Variants in PAN3 observed in about 807,000 individuals in gnomAD.
PAN3 encodes poly(A) specific ribonuclease subunit PAN3, also known as PAN2-PAN3 deadenylation complex subunit PAN3.
PAN3 carries 19 observed loss-of-function variants against 96.2 expected under a neutral mutation model. The ratio of observed to expected loss-of-function variants is 0.20; its 90% CI spans 0.14 to 0.29. The LOEUF (loss-of-function observed/expected upper bound fraction) is 0.29. PAN3 is among the 10% of genes least tolerant of loss of function. The probability of loss-of-function intolerance (pLI) is 1.00; values close to 1 mark genes in which losing one functional copy is unlikely to be tolerated. For synonymous variants in PAN3, 433 were observed against 406.6 expected, an observed-to-expected ratio of 1.06 and a Z score of -0.78; for missense variants, 882 against 1,108.1, an observed-to-expected ratio of 0.80 and a Z score of 2.90.
intron 9 of PAN3, among the ~76,000 whole-genome samples, chr13:28,263,758 A>G (rs1424844303): frequency 6.6e-6 from 1 of 152,248 alleles, no homozygotes; most frequent in Non-Finnish European, 1.5e-5. Context: ...CTCTTTCTGT[A>G]AAATATAAAT....
At chr13:28,167,978 T>G (rs574586585) in intron 1 of PAN3, among the ~76,000 whole-genome samples, 16 of 152,354 alleles carry the variant, frequency 1.1e-4, no homozygotes, top group African/African-American at 3.6e-4. Flanking sequence ...CCTTGAAAGT[T>G]TGCCTCACCT....
At chr13:28,272,830 A>G (rs1886743337) in intron 14 of PAN3, among the ~76,000 whole-genome samples, 2 of 152,116 alleles carry the variant, frequency 1.3e-5, no homozygotes, top group African/African-American at 4.8e-5. Context: ...CGGCCTCCCA[A>G]AGTGCTGGGA....
intron 6 of PAN3, among the ~76,000 whole-genome samples, chr13:28,245,816 C>G (rs1884130731): frequency 6.6e-6 from 1 of 152,116 alleles, no homozygotes; most frequent in Admixed American, 6.5e-5. Flanking sequence ...CTAATGTTTT[C>G]AAGGTTCATC....
intron 8 of PAN3, among the ~76,000 whole-genome samples, chr13:28,261,097 C>T (rs1421589558): frequency 6.6e-6 from 1 of 151,910 alleles, no homozygotes; most frequent in Non-Finnish European, 1.5e-5. Context: ...TAATTATTAC[C>T]AGTTTACTAG....
chr13:28,251,842 C>T (rs141045966), intron 6 of PAN3, among the ~76,000 whole-genome samples: 1 of 151,804 alleles, frequency 6.6e-6, no homozygotes, highest in East Asian at 1.9e-4. Flanking sequence ...CTCCTGGCTT[C>T]AGATTCTGCT....
intron 9 of PAN3, among the ~76,000 whole-genome samples, chr13:28,261,850 A>AC (rs1885762436): frequency 8.7e-6 from 1 of 114,404 alleles, no homozygotes; most frequent in South Asian, 2.6e-4. Context: ...AAAAAAAAAA[A>AC]AGGACAGTCC....
chr13:28,175,780 T>C (rs539377269), intron 2 of PAN3, among the ~76,000 whole-genome samples: 225 of 152,350 alleles, frequency 1.5e-3, no homozygotes, highest in Non-Finnish European at 2.5e-3. Flanking sequence ...TTTCAGGTAC[T>C]TTTTAATATA....
intron 6 of PAN3, among the ~76,000 whole-genome samples, chr13:28,250,204 T>C (rs533420089): frequency 1.3e-5 from 2 of 151,562 alleles, no homozygotes; most frequent in East Asian, 1.9e-4. Context: ...CAGAACTCTT[T>C]TTTTTTTTTT....
chr13:28,231,438 G>C (rs1882546036), intron 6 of PAN3, among the ~76,000 whole-genome samples: 1 of 152,156 alleles, frequency 6.6e-6, no homozygotes, highest in Non-Finnish European at 1.5e-5. Flanking sequence ...TTATGTGCCT[G>C]AGTTTGGTCA....
chr13:28,140,305 A>G (rs145095733), intron 1 of PAN3, among the ~76,000 whole-genome samples: 2 of 152,298 alleles, frequency 1.3e-5, no homozygotes, highest in East Asian at 3.9e-4. Context: ...TGCCTTTACG[A>G]ATAGAGCCGG....
intron 4 of PAN3, among the ~76,000 whole-genome samples, chr13:28,189,531 A>G (rs1876938207): frequency 7.2e-6 from 1 of 139,736 alleles, no homozygotes; most frequent in African/African-American, 2.7e-5. Flanking sequence ...CAAAAAAACA[A>G]AACAAAACAA....
chr13:28,284,322 T>C (rs1250856412), intron 17 of PAN3, among the ~76,000 whole-genome samples: 1 of 152,198 alleles, frequency 6.6e-6, no homozygotes, highest in African/African-American at 2.4e-5. Flanking sequence ...TTATTTTCAA[T>C]TGGATTGCTT....
At chr13:28,239,199 A>ACGCG (rs547893609) in intron 6 of PAN3, among the ~76,000 whole-genome samples, 4,552 of 113,028 alleles carry the variant, frequency 0.04, 258 homozygotes, top group African/African-American at 0.16. Context: ...GCATGCACAC[A>ACGCG]CGCACACACA....
chr13:28,241,885 G>A (rs1014637296), intron 6 of PAN3, among the ~76,000 whole-genome samples: 3 of 151,250 alleles, frequency 2.0e-5, no homozygotes, highest in African/African-American at 7.4e-5. Flanking sequence ...TGCTTCACAT[G>A]TTCTCAAGTC....
intron 5 of PAN3, among the ~76,000 whole-genome samples, chr13:28,202,578 T>C (rs1878863938): frequency 1.3e-5 from 2 of 152,202 alleles, no homozygotes; most frequent in South Asian, 4.1e-4. Flanking sequence ...TCCTTCTTTT[T>C]CCTTTAAGAG....
chr13:28,197,202 G>A lies in PAN3; in HGVS notation c.708G>A (p.Leu236=), dbSNP rs762287056. ...TTTCCTAGCCAAGGAAGTATCGCCTGGGGATGCTGGAGGAGAGGCTAGTTC... is the reference window on the plus strand; with the variant it reads ...TTTCCTAGCCAAGGAAGTATCGCCTAGGGATGCTGGAGGAGAGGCTAGTTC... ...SQRRKPRKYR[L]GMLEERLVPM... The change falls in exon 5 of 19, where the codon CTG becomes CTA. Residue 236 remains leucine (L), a synonymous_variant. Coordinates refer to ENST00000380958, the MANE Select transcript of PAN3 (RefSeq NM_175854.8). 1.2e-6 allele frequency: 2 copies of A among 1,612,994 alleles called. No individual in the cohort carries two copies. The highest frequency in any genetic ancestry group is 1.7e-6 in the Non-Finnish European group (2 of 1,179,486).
intron 4 of PAN3, among the ~76,000 whole-genome samples, chr13:28,196,613 A>G (rs1878088585): frequency 6.6e-6 from 1 of 151,668 alleles, no homozygotes; most frequent in Non-Finnish European, 1.5e-5. Flanking sequence ...ATGCCTATTT[A>G]AGATAGAGTG....
intron 4 of PAN3, among the ~76,000 whole-genome samples, chr13:28,190,375 T>C (rs1192605777): frequency 2.0e-5 from 3 of 151,840 alleles, no homozygotes; most frequent in Non-Finnish European, 4.4e-5. Context: ...CCTGAATAGC[T>C]GGAATTATAG....
chr13:28,185,888 A>C (rs1416025455), intron 4 of PAN3, among the ~76,000 whole-genome samples: 1 of 152,184 alleles, frequency 6.6e-6, no homozygotes, highest in African/African-American at 2.4e-5. Context: ...TGCGAAGTGT[A>C]GTAGCTGATA....
Sources: allele counts gnomAD v4.1 joint callset (sites outside exome capture counted in the v4.1 genomes callset), GRCh38; gene constraint gnomAD v4.1.1; transcripts MANE v1.5; gene names NCBI Gene and HGNC (gene_info 2026-07-23, HGNC 2026-07-21).